ZNF585A: variants seen among roughly 807,000 people sequenced by gnomAD.
ZNF585A encodes the protein zinc finger protein 585A.
A neutral mutation model predicts 14.9 loss-of-function variants in ZNF585A; 9 were observed. The observed-to-expected ratio is 0.60, with a 90% confidence interval of 0.36 to 1.05. The LOEUF (loss-of-function observed/expected upper bound fraction) is 1.05. Among genes scored for constraint, ZNF585A ranks in the 50% least tolerant of loss-of-function variants. The pLI is 0.01. For missense variants in ZNF585A, 726 were observed against 926.4 expected (o/e 0.78, Z 2.81); for synonymous variants, 276 against 319.9 (o/e 0.86, Z 1.46).
Position 37,145,791 on chromosome 19 carries a change from T to G in ZNF585A, c.*5798A>C, listed in dbSNP as rs1233061806. 1 of 152,210 alleles carries G rather than the reference T, an allele frequency of 6.6e-6. No homozygotes were observed. Among genetic ancestry groups the G allele is most frequent in the Admixed American group, 6.5e-5 (1 of 15,288 alleles). The allele number at this position is 152,210 out of a possible 1,614,324, so 9.4% of individuals were successfully genotyped here. Reference sequence around the variant, plus strand: ...CAGGGGTGGGACTACTGTGTTTATATAATACAAACACCTGAAGGTGGCAGA... The same window carrying G: ...CAGGGGTGGGACTACTGTGTTTATAGAATACAAACACCTGAAGGTGGCAGA... On this transcript the variant is annotated 3_prime_UTR_variant, in exon 5 of 5. Coordinates refer to ENST00000292841, the MANE Select transcript of ZNF585A (RefSeq NM_001288800.2).
intron 2 of ZNF585A, among the ~76,000 whole-genome samples, chr19:37,158,081 T>G (rs1032181913): frequency 6.6e-6 from 1 of 151,876 alleles, no homozygotes; most frequent in Non-Finnish European, 1.5e-5. Context: ...AGAGACAGGG[T>G]TTCACCATGC....
rs148073519 is a variant in ZNF585A, at chr19:37,171,820, T to C, written c.-145+807A>G. 3.4e-3 allele frequency among the ~76,000 whole-genome samples: 516 copies of C among 152,194 alleles called. 6 individuals are homozygous for C. Among genetic ancestry groups the C allele is most frequent in the African/African-American group, 0.012 (497 of 41,520 alleles). ...CTGGAGGCTGAGGCAGGAGAATCCG[T>C]TGAACCCACTAGGCAGAGGTTGCAG... On this transcript the variant is annotated intron_variant, in intron 1 of 4. Transcript: ENST00000292841.
intron 1 of ZNF585A, among the ~76,000 whole-genome samples, chr19:37,170,678 G>T (rs962438063): frequency 6.6e-6 from 1 of 152,200 alleles, no homozygotes; most frequent in African/African-American, 2.4e-5. Flanking sequence ...GTTTCACCAT[G>T]TTGGCCAGGA....
chr19:37,155,747 CA>C, intron 4 of ZNF585A, 117 bp downstream of exon 4: 1 of 1,133,984 alleles, frequency 8.8e-7, no homozygotes. Flanking sequence ...AATACAAAAA[CA>C]TTCAGAACTT....
In ZNF585A at chr19:37,169,973, C is replaced by T. The variant is rs1252133329; in HGVS notation, c.-63G>A. 2.5e-6 allele frequency: 4 copies of T among 1,570,338 alleles called. No homozygotes were observed. The highest frequency in any genetic ancestry group is 3.4e-6 in the Non-Finnish European group (4 of 1,160,890). On this transcript the variant is annotated 5_prime_UTR_variant, in exon 2 of 5. Transcript: ENST00000292841. The stretch of plus-strand genomic sequence containing the variant: ...CTGAAGCTTGGCAGTCATCTGTGAA[C>T]TCAAGCAGAGCTGCTCTGAAGAGAT...
chr19:37,165,642 T>G (rs1972081069), intron 2 of ZNF585A: 1 of 985,020 alleles, frequency 1.0e-6, no homozygotes, highest in African/African-American at 1.7e-5. Flanking sequence ...TTAACATATT[T>G]GACTTCTGAA....
intron 4 of ZNF585A, among the ~76,000 whole-genome samples, 164 bp downstream of exon 4, chr19:37,155,701 C>T (rs1482517846): frequency 6.6e-6 from 1 of 152,074 alleles, no homozygotes; most frequent in Non-Finnish European, 1.5e-5. Flanking sequence ...AGGGAGAATG[C>T]ATTTAGTGAT....
Position 37,166,053 on chromosome 19 carries a change from G to A in ZNF585A, c.72+3786C>T, listed in dbSNP as rs570222983. Among the ~76,000 whole-genome samples, 4 of 151,794 alleles carry A rather than the reference G, an allele frequency of 2.6e-5. No homozygotes were observed. The East Asian group carries it at 5.8e-4, about 22-fold the overall frequency. ...GTCTTTTTTTCAGTCTTGCTCCGTC[G>A]CCCAGGCTGGAATGCAGTGGTATGA... is the stretch of plus-strand genomic sequence containing the variant. On this transcript the variant is annotated intron_variant, in intron 2 of 4. Coordinates refer to ENST00000292841, the MANE Select transcript of ZNF585A (RefSeq NM_001288800.2).
intron 2 of ZNF585A, among the ~76,000 whole-genome samples, chr19:37,156,969 C>T (rs576493773): frequency 6.6e-6 from 1 of 152,236 alleles, no homozygotes; most frequent in African/African-American, 2.4e-5. Flanking sequence ...TGGGATTATG[C>T]GTGAGCCACC....
chr19:37,171,067 G>T (rs1015230060), intron 1 of ZNF585A, among the ~76,000 whole-genome samples: 1 of 152,174 alleles, frequency 6.6e-6, no homozygotes, highest in Non-Finnish European at 1.5e-5. Flanking sequence ...GTGATATAAT[G>T]CAGTGATATA....
chr19:37,172,407 C>T (rs1972196711), intron 1 of ZNF585A: 5 of 152,218 alleles, frequency 3.3e-5, no homozygotes, highest in Admixed American at 3.3e-4. Flanking sequence ...ACCCTACAGG[C>T]TCTGTCACTG....
intron 1 of ZNF585A, among the ~76,000 whole-genome samples, chr19:37,170,975 A>C (rs936764393): frequency 6.6e-6 from 1 of 152,232 alleles, no homozygotes; most frequent in African/African-American, 2.4e-5. Context: ...AACAATAAAT[A>C]TACCAGACAA....
In ZNF585A at chr19:37,167,589, T is replaced by TTTTTATTTTATTTTA. The variant is rs59039152; in HGVS notation, c.72+2235_72+2249dup. Among the ~76,000 whole-genome samples the TTTTTATTTTATTTTA allele has an allele frequency of 6.7e-3, 968 of 144,152 alleles. 15 individuals are homozygous for TTTTTATTTTATTTTA. The highest frequency in any genetic ancestry group is 0.03 in the East Asian group (149 of 4,992). 94.6% of individuals were successfully genotyped at this position (144,152 alleles called of 152,430 possible). A position where few individuals can be genotyped will look rare whatever the true frequency, so the allele number is the denominator to read the frequency against. ...TTGTGTAAGAGCCTTTTACTTTTTA[T>TTTTTATTTTATTTTA]TTTTATTTTATTTTATTTTATTTTA... On this transcript the variant is annotated intron_variant, in intron 2 of 4. Transcript: ENST00000292841.
At chr19:37,154,797 A>T (rs1971897545) in intron 4 of ZNF585A, among the ~76,000 whole-genome samples, 1 of 150,342 alleles carries the variant, frequency 6.7e-6, no homozygotes, top group Non-Finnish European at 1.5e-5. Flanking sequence ...CTCACAGTAA[A>T]AAAAAAAAAA....
In ZNF585A at chr19:37,148,895, A is replaced by G. The variant is rs565492856; in HGVS notation, c.*2694T>C. 6.6e-6 allele frequency: 1 copy of G among 152,318 alleles called. No individual in the cohort carries two copies. The highest frequency in any genetic ancestry group is 2.4e-5 in the African/African-American group (1 of 41,578). 9.4% of individuals were successfully genotyped at this position (152,318 alleles called of 1,614,324 possible). ...CCACATTACTAAGTGAAAGAAGTCAATTTGAAAAGGCTACACACTGTATAA... is the reference window on the plus strand; with the variant it reads ...CCACATTACTAAGTGAAAGAAGTCAGTTTGAAAAGGCTACACACTGTATAA... On this transcript the variant is annotated 3_prime_UTR_variant, in exon 5 of 5. Coordinates refer to ENST00000292841, the MANE Select transcript of ZNF585A (RefSeq NM_001288800.2).
At position 37,153,959 on chromosome 19, in the gene ZNF585A, G is replaced by A. The variant is rs1191420849; in HGVS notation, c.293-353C>T. Among the ~76,000 whole-genome samples the A allele has an allele frequency of 3.9e-5, 6 of 152,112 alleles. No individual in the cohort carries two copies. The East Asian group carries it at 1.2e-3, about 29-fold the overall frequency. On this transcript the variant is annotated intron_variant, in intron 4 of 4. Coordinates refer to ENST00000292841, the MANE Select transcript of ZNF585A (RefSeq NM_001288800.2). ...TAGAATCTCACATCACTTTCATCAT[G>A]ACCTTTTCTTTCAATTTGGAAAGAA...
chr19:37,155,206 T>C (rs1321034688), intron 4 of ZNF585A, among the ~76,000 whole-genome samples: 2 of 151,772 alleles, frequency 1.3e-5, no homozygotes, highest in East Asian at 3.9e-4. Context: ...TTCACCGTGG[T>C]CCCGATCTCC....
intron 4 of ZNF585A, among the ~76,000 whole-genome samples, chr19:37,155,218 G>A (rs536021004): frequency 6.6e-6 from 1 of 151,908 alleles, no homozygotes; most frequent in South Asian, 2.1e-4. Flanking sequence ...CCGATCTCCT[G>A]ACCTCATGAT....
chr19:37,156,325 C>G lies in ZNF585A; in HGVS notation c.103G>C (p.Asp35His), dbSNP rs772561753. Residue 35 changes from aspartate (D) to histidine (H), a missense_variant, in exon 3 of 5, where the codon GAT becomes CAT. Around this residue, in one of 2 missense-constraint regions of ZNF585A, gnomAD observed 483 missense variants for 542.8 expected, o/e 0.89. Transcript: ENST00000292841. Reference protein sequence around the residue: ...GSVSFRDVAIDFSREEWRHLD... With the variant: ...GSVSFRDVAIHFSREEWRHLD... ...TGCCGCCATTCCTCTCTGCTGAAAT[C>G]GATAGCCACATCCCTGAAGGACACT... is the stretch of plus-strand genomic sequence containing the variant. 1 of 1,614,024 alleles carries G rather than the reference C, an allele frequency of 6.2e-7. No homozygotes were observed. Among genetic ancestry groups the G allele is most frequent in the African/African-American group, 1.3e-5 (1 of 74,896 alleles).
Sources: gnomAD v4.1 joint callset for allele counts (sites outside exome capture counted in the v4.1 genomes callset) on GRCh38, gnomAD v4.1.1 for gene constraint, gnomAD v4.1.1 regional missense constraint, MANE v1.5 for transcripts, NCBI Gene and HGNC (gene_info 2026-07-23, HGNC 2026-07-21) for gene names.